TFEC: variants seen among roughly 807,000 people sequenced by gnomAD.
The protein encoded by TFEC is transcription factor EC.
In TFEC, 31 loss-of-function variants were observed where a neutral mutation model predicts 41.6. The observed-to-expected ratio is 0.74, with a 90% CI of 0.56 to 1.01. TFEC has a LOEUF of 1.01. TFEC is among the 50% of genes least tolerant of loss of function. The pLI, the probability that TFEC is intolerant of heterozygous loss-of-function variation, is 0.00. For synonymous variants in TFEC, 143 were observed against 140.6 expected, an observed-to-expected ratio of 1.02 and a Z score of -0.12; for missense variants, 402 against 404.1, an observed-to-expected ratio of 0.99 and a Z score of 0.04.
chr7:116,158,905 G>C lies in TFEC; in HGVS notation c.-69+885C>G, dbSNP rs150418874. Among the ~76,000 whole-genome samples the C allele has an allele frequency of 8.2e-3, 1,249 of 151,980 alleles. 18 individuals carry two copies. Among genetic ancestry groups the C allele is most frequent in the African/African-American group, 0.028 (1,171 of 41,544 alleles). ...AGATGAAGTAACAAAAATGTACAAA[G>C]ATTTCTTCATTTTTGTCCCTAAAAG... is the stretch of plus-strand genomic sequence containing the variant. On this transcript the variant is annotated intron_variant, in intron 1 of 8. Coordinates refer to the TFEC transcript ENST00000484212.
intron 3 of TFEC, among the ~76,000 whole-genome samples, chr7:116,076,899 A>G (rs1796972260): frequency 6.6e-6 from 1 of 152,194 alleles, no homozygotes; most frequent in South Asian, 2.1e-4. Context: ...AGAGATCTAG[A>G]TATCCAAATA....
chr7:116,014,506 T>A (rs1054380972), intron 1 of TFEC, among the ~76,000 whole-genome samples: 2 of 152,062 alleles, frequency 1.3e-5, no homozygotes, highest in Admixed American at 1.3e-4. Context: ...GAAAAAAAAT[T>A]CATTGAAAAT....
At chr7:116,003,036 G>A (rs1197211274) in intron 1 of TFEC, among the ~76,000 whole-genome samples, 1 of 152,046 alleles carries the variant, frequency 6.6e-6, no homozygotes, top group East Asian at 1.9e-4. Context: ...ATAGAAAATA[G>A]TAACACATAG....
At chr7:116,027,943 C>G (rs977293711) in intron 1 of TFEC, among the ~76,000 whole-genome samples, 3 of 152,042 alleles carry the variant, frequency 2.0e-5, no homozygotes, top group Non-Finnish European at 4.4e-5. Flanking sequence ...AAAAGAGAAA[C>G]AGAAACCTAA....
rs552914823 is a variant in TFEC at position 116,049,777 on chromosome 7, G to A, written c.198+60931C>T. Among the ~76,000 whole-genome samples the A allele has an allele frequency of 2.6e-5, 4 of 152,250 alleles. No individual in the cohort carries two copies. In the South Asian group the frequency reaches 6.2e-4, roughly 24 times the overall value. On this transcript the variant is annotated intron_variant, in intron 3 of 8. Transcript: ENST00000484212. ...GGAAGAACAGAAATTATAACAAACTGTCTCTCAGACCACAGTGCAATCAAA... is the reference window on the plus strand; with the variant it reads ...GGAAGAACAGAAATTATAACAAACTATCTCTCAGACCACAGTGCAATCAAA...
At chr7:116,158,304 T>C (rs1798909041) in intron 1 of TFEC, among the ~76,000 whole-genome samples, 2 of 152,092 alleles carry the variant, frequency 1.3e-5, no homozygotes, top group Non-Finnish European at 2.9e-5. Context: ...TTCCCCCTCA[T>C]CTTCAAAAGT....
At chr7:115,982,643 T>A (rs1348280114) in intron 2 of TFEC, among the ~76,000 whole-genome samples, 2 of 152,174 alleles carry the variant, frequency 1.3e-5, no homozygotes, top group Non-Finnish European at 2.9e-5. Context: ...TAAAATATGA[T>A]GGTTTAAAAA....
intron 3 of TFEC, among the ~76,000 whole-genome samples, chr7:115,969,796 G>A (rs1432702599): frequency 6.6e-6 from 1 of 151,930 alleles, no homozygotes; most frequent in Non-Finnish European, 1.5e-5. Flanking sequence ...GATGGAACTT[G>A]TTTTACAAGA....
chr7:116,123,623 T>A (rs1584544895), intron 1 of TFEC, among the ~76,000 whole-genome samples: 2 of 152,108 alleles, frequency 1.3e-5, no homozygotes, highest in Non-Finnish European at 2.9e-5. Flanking sequence ...ACATAATGAC[T>A]GCCCACTGGG....
intron 3 of TFEC, among the ~76,000 whole-genome samples, chr7:116,039,562 T>G (rs1349996420): frequency 6.6e-6 from 1 of 151,694 alleles, no homozygotes; most frequent in Non-Finnish European, 1.5e-5. Context: ...CAGAGGAACA[T>G]CAAACTACGA....
chr7:116,063,658 T>C (rs1389657468), intron 3 of TFEC, among the ~76,000 whole-genome samples: 1 of 152,048 alleles, frequency 6.6e-6, no homozygotes, highest in African/African-American at 2.4e-5. Context: ...ATGGATATAT[T>C]TACTATCTTG....
At chr7:115,966,726 T>TA (rs1792870570) in intron 3 of TFEC, among the ~76,000 whole-genome samples, 2 of 151,686 alleles carry the variant, frequency 1.3e-5, no homozygotes, top group African/African-American at 2.4e-5. Context: ...TTTTGAGTGC[T>TA]AAAAAAAGTT....
At chr7:115,994,111 T>C (rs1185414765) in intron 1 of TFEC, among the ~76,000 whole-genome samples, 1 of 152,162 alleles carries the variant, frequency 6.6e-6, no homozygotes, top group African/African-American at 2.4e-5. Flanking sequence ...GGGGGAAGGA[T>C]TCCCTATTTA....
intron 3 of TFEC, among the ~76,000 whole-genome samples, chr7:116,046,151 T>A (rs774467303): frequency 4.6e-5 from 7 of 152,180 alleles, no homozygotes; most frequent in Non-Finnish European, 8.8e-5. Context: ...TTTGGGTTAA[T>A]GTTGAAATAA....
chr7:116,154,502 A>T (rs780794896), intron 1 of TFEC, among the ~76,000 whole-genome samples: 1 of 152,138 alleles, frequency 6.6e-6, no homozygotes, highest in Non-Finnish European at 1.5e-5. Flanking sequence ...TTTATTCAAA[A>T]TCTTCTATGG....
chr7:115,962,998 C>T (rs953936952), intron 3 of TFEC, among the ~76,000 whole-genome samples: 1 of 151,640 alleles, frequency 6.6e-6, no homozygotes, highest in Non-Finnish European at 1.5e-5. Flanking sequence ...CTATCCCTCC[C>T]CCAGTCCCCC....
intron 1 of TFEC, among the ~76,000 whole-genome samples, chr7:116,011,883 C>T (rs1413832506): frequency 6.6e-6 from 1 of 152,148 alleles, no homozygotes; most frequent in Non-Finnish European, 1.5e-5. Context: ...TGCCATGTGA[C>T]ACACCTGCTC....
intron 7 of TFEC, chr7:115,941,429 T>TG: frequency 6.0e-6 from 1 of 165,616 alleles, no homozygotes; most frequent in Non-Finnish European, 1.3e-5. Context: ...CAACATGCCT[T>TG]GAGGCAATGA....
chr7:116,045,798 G>A (rs918859768), intron 3 of TFEC, among the ~76,000 whole-genome samples: 21 of 152,312 alleles, frequency 1.4e-4, no homozygotes, highest in Non-Finnish European at 1.9e-4. Context: ...AATGCCAGCC[G>A]GTGAAAGCAG....
Sources: allele counts gnomAD v4.1 joint callset (sites outside exome capture counted in the v4.1 genomes callset), GRCh38; gene constraint gnomAD v4.1.1; transcripts MANE v1.5; gene names NCBI Gene and HGNC (gene_info 2026-07-23, HGNC 2026-07-21).